SYTL2: variants seen among roughly 807,000 people sequenced by gnomAD.
SYTL2 encodes the protein synaptotagmin-like protein 2.
A neutral mutation model predicts 198.7 loss-of-function variants in SYTL2; 165 were observed. The observed-to-expected ratio is 0.83, with a 90% CI of 0.73 to 0.94. SYTL2 has a LOEUF of 0.94. Among genes scored for constraint, SYTL2 ranks in the 40% least tolerant of loss-of-function variants. The pLI, the probability that SYTL2 is intolerant of heterozygous loss-of-function variation, is 0.00. For synonymous variants in SYTL2, 966 were observed against 917.7 expected (o/e 1.05, Z -0.95); for missense variants, 2,835 against 2,582.8 (o/e 1.10, Z -2.12).
intron 4 of SYTL2, among the ~76,000 whole-genome samples, chr11:85,740,322 T>C (rs551171119): frequency 1.3e-5 from 2 of 152,326 alleles, no homozygotes; most frequent in South Asian, 4.1e-4. Flanking sequence ...AGTGTTCTTT[T>C]TGCTTTCTTT....
intron 4 of SYTL2, among the ~76,000 whole-genome samples, chr11:85,741,011 G>A (rs911427215): frequency 1.3e-5 from 2 of 151,788 alleles, no homozygotes; most frequent in Non-Finnish European, 1.5e-5. Flanking sequence ...GGTTTTTAAC[G>A]TTCACCAGCC....
chr11:85,731,266 G>A (rs1244000007), intron 7 of SYTL2, among the ~76,000 whole-genome samples: 1 of 152,260 alleles, frequency 6.6e-6, no homozygotes, highest in East Asian at 1.9e-4. Context: ...AAAAGAGGTT[G>A]CATAGCCAAC....
chr11:85,765,972 T>C (rs1043372054), intron 1 of SYTL2, among the ~76,000 whole-genome samples: 2 of 151,938 alleles, frequency 1.3e-5, no homozygotes, highest in African/African-American at 4.8e-5. Flanking sequence ...ATAATACAAG[T>C]ATGTCAGCTA....
intron 1 of SYTL2, among the ~76,000 whole-genome samples, chr11:85,758,707 T>C (rs182074616): frequency 1.3e-5 from 2 of 152,298 alleles, no homozygotes; most frequent in African/African-American, 4.8e-5. Flanking sequence ...TGTGTGTGTA[T>C]ATAAACTGGA....
At chr11:85,800,476 G>T (rs2153646305) in intron 1 of SYTL2, among the ~76,000 whole-genome samples, 1 of 151,936 alleles carries the variant, frequency 6.6e-6, no homozygotes, top group Non-Finnish European at 1.5e-5. Context: ...ATGGGGTCTT[G>T]CTATGTTGCT....
intron 16 of SYTL2, among the ~76,000 whole-genome samples, chr11:85,703,785 T>C (rs1422732521): frequency 6.6e-6 from 1 of 152,098 alleles, no homozygotes; most frequent in African/African-American, 2.4e-5. Flanking sequence ...TGACCAAAAA[T>C]AGCACAAAGG....
At chr11:85,785,722 C>T (rs1203281901) in intron 1 of SYTL2, among the ~76,000 whole-genome samples, 2 of 152,110 alleles carry the variant, frequency 1.3e-5, no homozygotes, top group East Asian at 1.9e-4. Flanking sequence ...CTGTTTTCCT[C>T]CAAAGAAGCT....
At chr11:85,704,330 A>G (rs1233517391) in intron 16 of SYTL2, among the ~76,000 whole-genome samples, 2 of 152,106 alleles carry the variant, frequency 1.3e-5, no homozygotes, top group Admixed American at 6.5e-5. Flanking sequence ...CATCAAGAAA[A>G]TATAACAATT....
intron 2 of SYTL2, among the ~76,000 whole-genome samples, chr11:85,750,580 T>A (rs757534343): frequency 5.3e-5 from 8 of 152,212 alleles, no homozygotes; most frequent in Non-Finnish European, 8.8e-5. Context: ...CTTTGCAAAC[T>A]CCTTGAAAGT....
Position 85,695,257 on chromosome 11 carries a change from TG to T in SYTL2, c.6657del (p.Asn2220IlefsTer14), listed in dbSNP as rs750579801. On this transcript the variant is annotated frameshift_variant, in exon 20 of 20. Coordinates refer to ENST00000359152, the MANE Select transcript of SYTL2 (RefSeq NM_206927.4). LOFTEE classifies it high-confidence loss of function. ...VALWEKMVNS[P>X]NTWIEATLPL... ...GGCAGTGTTGCTTCAATCCAAGTAT[TG>T]GGGGAGTTTACCATCTTCTCCCAGA... 7.4e-6 allele frequency: 12 copies of T among 1,612,936 alleles called. No individual in the cohort carries two copies. Among genetic ancestry groups the T allele is most frequent in the African/African-American group, 1.3e-5 (1 of 74,900 alleles).
chr11:85,780,724 TC>T (rs1284946543), intron 1 of SYTL2, among the ~76,000 whole-genome samples: 2 of 152,232 alleles, frequency 1.3e-5, no homozygotes, highest in Non-Finnish European at 2.9e-5. Flanking sequence ...GTAAAGTTTT[TC>T]TCTGAGTTCT....
At chr11:85,793,868 G>A (rs1027624254) in intron 1 of SYTL2, among the ~76,000 whole-genome samples, 9 of 152,164 alleles carry the variant, frequency 5.9e-5, no homozygotes, top group African/African-American at 1.9e-4. Flanking sequence ...CCCTCATACA[G>A]ATATGAACCC....
the SYTL2 span, among the ~76,000 whole-genome samples, chr11:85,829,220 C>T: frequency 1.3e-5 from 2 of 152,136 alleles, no homozygotes; most frequent in South Asian, 4.2e-4. Context: ...GTTTTTAAGC[C>T]CATGCCCTGC....
the SYTL2 span, among the ~76,000 whole-genome samples, chr11:85,843,668 A>G: frequency 6.6e-6 from 1 of 152,230 alleles, no homozygotes; most frequent in Non-Finnish European, 1.5e-5. Flanking sequence ...GAAATGTGAC[A>G]CAGAAAAGTT....
At chr11:85,768,778 A>G (rs2092297197) in intron 1 of SYTL2, among the ~76,000 whole-genome samples, 1 of 152,154 alleles carries the variant, frequency 6.6e-6, no homozygotes, top group Non-Finnish European at 1.5e-5. Flanking sequence ...GAGATGGGGT[A>G]TTGGTAGGAG....
At chr11:85,735,668 A>C (rs1008181929) in intron 6 of SYTL2, among the ~76,000 whole-genome samples, 1 of 152,136 alleles carries the variant, frequency 6.6e-6, no homozygotes. Context: ...GAGGCACTAG[A>C]AGCCCCGGAA....
chr11:85,773,940 G>T (rs958357547), intron 1 of SYTL2, among the ~76,000 whole-genome samples: 2 of 142,772 alleles, frequency 1.4e-5, no homozygotes, highest in African/African-American at 2.7e-5. Flanking sequence ...TTCAAAGTTA[G>T]AAATGATGTC....
chr11:85,753,750 G>A (rs1026022788), intron 2 of SYTL2, among the ~76,000 whole-genome samples: 7 of 124,210 alleles, frequency 5.6e-5, no homozygotes, highest in Non-Finnish European at 9.7e-5. Flanking sequence ...GGGTCACAGA[G>A]AGAAACTCTC....
At chr11:85,809,859 G>GC (rs1383198405) in intron 1 of SYTL2, among the ~76,000 whole-genome samples, 2 of 152,316 alleles carry the variant, frequency 1.3e-5, no homozygotes, top group Non-Finnish European at 2.9e-5. Context: ...GTGAGAAGGG[G>GC]CAGAACTTCA....
Sources: gnomAD v4.1 joint callset for allele counts (sites outside exome capture counted in the v4.1 genomes callset) on GRCh38, gnomAD v4.1.1 for gene constraint, MANE v1.5 for transcripts, NCBI Gene and HGNC (gene_info 2026-07-23, HGNC 2026-07-21) for gene names.